CNTNAP1: variants seen among roughly 807,000 people sequenced by gnomAD.
CNTNAP1 encodes contactin-associated protein 1.
In CNTNAP1, 80 loss-of-function variants were observed where a neutral mutation model predicts 161.5. That is an observed-to-expected ratio of 0.50 (90% confidence interval 0.41 to 0.60). The LOEUF (loss-of-function observed/expected upper bound fraction) is 0.60, where lower values mean the gene tolerates loss of function less well. Ranked by LOEUF, CNTNAP1 falls within the 20% of genes least tolerant of loss-of-function variation. The pLI is 0.00. For synonymous variants in CNTNAP1, 695 were observed against 733.1 expected, an observed-to-expected ratio of 0.95 and a Z score of 0.84; for missense variants, 1,464 against 1,854.8, an observed-to-expected ratio of 0.79 and a Z score of 3.87.
In CNTNAP1 at chr17:42,683,940, T is replaced by C; in HGVS notation, c.169+18T>C. ...GCTGCACGGTGAGCTCCGCGGAACA[T>C]CAGCTGCCAACTGGCAGCGCACCGC... On this transcript the variant is annotated intron_variant, in intron 2 of 23. Coordinates refer to ENST00000264638, the MANE Select transcript of CNTNAP1 (RefSeq NM_003632.3). The C allele has an allele frequency of 1.9e-6, 3 of 1,613,580 alleles. No homozygotes were observed. Among genetic ancestry groups the C allele is most frequent in the Non-Finnish European group, 2.5e-6 (3 of 1,179,606 alleles).
rs750836679 is a variant in CNTNAP1 at position 42,687,249 on chromosome 17, C to T, written c.1044+203C>T. The T allele has an allele frequency of 2.6e-5, 16 of 626,358 alleles. No individual in the cohort carries two copies. The highest frequency in any genetic ancestry group is 4.0e-5 in the Non-Finnish European group (15 of 371,826). 38.8% of individuals were successfully genotyped at this position (626,358 alleles called of 1,614,324 possible). On this transcript the variant is annotated intron_variant, in intron 7 of 23. Transcript: ENST00000264638. The surrounding 1 kb of genome is among the most constrained non-coding windows in gnomAD (Gnocchi z 4.7). ...CCTAGTTAAGAAGCAGTGGTCGGGT[C>T]CAATCACCTTCTTAGTTCATAGATG... is the stretch of plus-strand genomic sequence containing the variant.
At chr17:42,695,167 G>A (rs938211487) in intron 18 of CNTNAP1, among the ~76,000 whole-genome samples, 2 of 152,080 alleles carry the variant, frequency 1.3e-5, no homozygotes, top group Non-Finnish European at 2.9e-5. Context: ...GGCTGTTCTC[G>A]AACTCCTGAC....
Position 42,686,078 on chromosome 17 carries a change from G to T in CNTNAP1, c.837G>T (p.Leu279=). Reference sequence around the variant, plus strand: ...TTGGCCGCGATGTAAATTTCACCCTGGACGGCTATGTGCAGCGCTTTATTC... The same window carrying T: ...TTGGCCGCGATGTAAATTTCACCCTTGACGGCTATGTGCAGCGCTTTATTC... ...DRFGRDVNFT[L]DGYVQRFILN... is the part of the protein sequence containing the mutation. Residue 279 remains leucine (L), a synonymous_variant, in exon 6 of 24, where the codon CTG becomes CTT. Transcript: ENST00000264638. 1 of 1,614,212 alleles carries T rather than the reference G, an allele frequency of 6.2e-7. No individual in the cohort carries two copies. Among genetic ancestry groups the T allele is most frequent in the Non-Finnish European group, 8.5e-7 (1 of 1,180,046 alleles).
chr17:42,686,812 C>A, intron 6 of CNTNAP1, 91 bp from the exon 7 acceptor site: 2 of 1,422,618 alleles, frequency 1.4e-6, no homozygotes, highest in Non-Finnish European at 1.9e-6. Context: ...AAAACCCCAT[C>A]TGGCATTTGG....
intron 11 of CNTNAP1, 40 bp downstream of exon 11, chr17:42,689,667 AG>A: frequency 6.6e-7 from 1 of 1,524,102 alleles, no homozygotes; most frequent in Non-Finnish European, 9.1e-7. Context: ...GGGACAAGGG[AG>A]GTCAATAGAA....
Position 42,692,649 on chromosome 17 carries a change from G to T in CNTNAP1, c.2681G>T (p.Arg894Leu), listed in dbSNP as rs529982247. Reference protein sequence around the residue: ...VKQARLRVDHRPWVLRPMPLQ... With the variant: ...VKQARLRVDHLPWVLRPMPLQ... ...CAGGCCCGGCTCCGAGTGGATCACCGGCCCTGGGTTCTGCGGCCTATGCCA... is the reference window on the plus strand; with the variant it reads ...CAGGCCCGGCTCCGAGTGGATCACCTGCCCTGGGTTCTGCGGCCTATGCCA... Residue 894 changes from arginine to leucine, a missense_variant, in exon 17 of 24, where the codon CGG (arginine) becomes CTG (leucine). By Grantham distance (102) the Arg-to-Leu change is moderately radical (BLOSUM62 -2). Around this residue, in one of 3 missense-constraint regions of CNTNAP1, gnomAD observed 1,383 missense variants for 1,765.0 expected, o/e 0.78. Coordinates refer to ENST00000264638, the MANE Select transcript of CNTNAP1 (RefSeq NM_003632.3). 2 of 1,614,048 alleles carry T rather than the reference G, an allele frequency of 1.2e-6. No homozygotes were observed. Among genetic ancestry groups the T allele is most frequent in the African/African-American group, 1.3e-5 (1 of 74,910 alleles).
At chr17:42,692,055 TA>T in intron 16 of CNTNAP1, 64 bp downstream of exon 16, 1 of 1,550,660 alleles carries the variant, frequency 6.4e-7, no homozygotes, top group Non-Finnish European at 8.8e-7. Flanking sequence ...GAGACAGGGG[TA>T]GGCTGGGGTT....
At chr17:42,698,530 A>AGTGCGTGT in intron 23 of CNTNAP1, 88 bp from the exon 24 acceptor site, 1 of 1,039,736 alleles carries the variant, frequency 9.6e-7, no homozygotes, top group Non-Finnish European at 1.4e-6. Flanking sequence ...AATCTCAAAG[A>AGTGCGTGT]GTGCGTGTGT....
At chr17:42,694,631 C>CAA (rs34438412) in intron 18 of CNTNAP1, among the ~76,000 whole-genome samples, 52 of 137,582 alleles carry the variant, frequency 3.8e-4, no homozygotes, top group South Asian at 9.2e-4. Context: ...ACTGTGTCTA[C>CAA]AAAAAAAAAA....
chr17:42,698,977 T>A lies in CNTNAP1; in HGVS notation c.*67T>A. The A allele has an allele frequency of 7.2e-7, 1 of 1,397,386 alleles. No individual in the cohort carries two copies. Among genetic ancestry groups the A allele is most frequent in the Non-Finnish European group, 9.5e-7 (1 of 1,052,304 alleles). 86.6% of individuals were successfully genotyped at this position (1,397,386 alleles called of 1,614,324 possible). On this transcript the variant is annotated 3_prime_UTR_variant, in exon 24 of 24. Transcript: ENST00000264638. Reference sequence around the variant, plus strand: ...CCCCAGTCCTGCCTCTCCCCCATCCTATCAGGGACATTTGGCTCCTCTTAG... The same window carrying A: ...CCCCAGTCCTGCCTCTCCCCCATCCAATCAGGGACATTTGGCTCCTCTTAG...
intron 12 of CNTNAP1, 123 bp from the exon 13 acceptor site, chr17:42,690,616 T>C: frequency 1.1e-6 from 1 of 873,566 alleles, no homozygotes; most frequent in Non-Finnish European, 1.8e-6. Flanking sequence ...AGGGCAGAGG[T>C]GGAATGGAGC....
In CNTNAP1 at chr17:42,688,621, G is replaced by C. The variant is rs748978065; in HGVS notation, c.1456+10G>C. On this transcript the variant is annotated intron_variant, in intron 9 of 23. Transcript: ENST00000264638. ...TCATATTTCTTTGGGGGTAAGTGGG[G>C]GCCAACCTGACCAGACCTCTGTTTC... The C allele has an allele frequency of 6.2e-7, 1 of 1,614,110 alleles. No individual in the cohort carries two copies. Among genetic ancestry groups the C allele is most frequent in the Non-Finnish European group, 8.5e-7 (1 of 1,180,016 alleles).
chr17:42,695,982 T>C, intron 19 of CNTNAP1, 43 bp from the exon 20 acceptor site: 1 of 1,608,564 alleles, frequency 6.2e-7, no homozygotes, highest in East Asian at 2.2e-5. Context: ...AAGATAGGAG[T>C]CATGGGGCCT....
intron 23 of CNTNAP1, 84 bp from the exon 24 acceptor site, chr17:42,698,534 C>CGTGTGTGT (rs112344327): frequency 1.5e-4 from 134 of 865,268 alleles, no homozygotes; most frequent in African/African-American, 1.5e-3. Context: ...TCAAAGAGTG[C>CGTGTGTGT]GTGTGTGTGT....
At position 42,687,146 on chromosome 17, in the gene CNTNAP1, G is replaced by T. The variant is rs1298870763; in HGVS notation, c.1044+100G>T. ...ATATTGAACATCAGATAAAAGCGGA[G>T]AATCCCTCTGTCCCCAGCCAGATGC... On this transcript the variant is annotated intron_variant, in intron 7 of 23. Transcript: ENST00000264638. This position sits in a 1 kb window ranked among gnomAD's most constrained non-coding sequence, Gnocchi z 4.7. The T allele has an allele frequency of 1.7e-5, 25 of 1,489,126 alleles. No individual in the cohort carries two copies. Among genetic ancestry groups the T allele is most frequent in the Non-Finnish European group, 2.1e-5 (23 of 1,099,796 alleles). The allele number at this position is 1,489,126 out of a possible 1,614,324, so 92.2% of individuals were successfully genotyped here. A position where few individuals can be genotyped will look rare whatever the true frequency, so the allele number is the denominator to read the frequency against.
Position 42,689,792 on chromosome 17 carries a change from G to C in CNTNAP1, c.1735+165G>C, listed in dbSNP as rs2053062163. On this transcript the variant is annotated intron_variant, in intron 11 of 23. Transcript: ENST00000264638. Reference sequence around the variant, plus strand: ...GTCTTGCTCTGTTGCCCAGGCTAGAGTGCAGTGGTGCCATCTGGGCTCGCT... The same window carrying C: ...GTCTTGCTCTGTTGCCCAGGCTAGACTGCAGTGGTGCCATCTGGGCTCGCT... The C allele has an allele frequency of 7.9e-6, 5 of 630,178 alleles. No individual in the cohort carries two copies. The East Asian group carries it at 1.2e-4, about 15-fold the overall frequency. 39.0% of individuals were successfully genotyped at this position (630,178 alleles called of 1,614,324 possible).
intron 3 of CNTNAP1, 137 bp downstream of exon 3, chr17:42,684,366 T>C: frequency 5.0e-6 from 4 of 792,674 alleles, no homozygotes; most frequent in South Asian, 1.7e-5. Flanking sequence ...CTCCAGGGAC[T>C]CTGTCCAGAG....
At chr17:42,689,874 G>C in intron 11 of CNTNAP1, 1 of 585,936 alleles carries the variant, frequency 1.7e-6, no homozygotes, top group South Asian at 1.9e-5. Context: ...CTAAGTAGCT[G>C]GGACTACAGG....
At chr17:42,696,239 T>C in intron 20 of CNTNAP1, 87 bp downstream of exon 20, 1 of 1,522,544 alleles carries the variant, frequency 6.6e-7, no homozygotes, top group Non-Finnish European at 9.0e-7. Flanking sequence ...TACTTAATAT[T>C]TGTAGATCAC....
Sources: allele counts gnomAD v4.1 joint callset (sites outside exome capture counted in the v4.1 genomes callset), GRCh38; gene constraint gnomAD v4.1.1; regional missense constraint gnomAD v4.1.1; non-coding constraint Gnocchi (gnomAD v3.1); transcripts MANE v1.5; gene names NCBI Gene and HGNC (gene_info 2026-07-23, HGNC 2026-07-21).